The following AARSD1 variants were observed in gnomAD, a reference collection of about 807,000 sequenced individuals.
AARSD1 encodes the protein alanyl-tRNA synthetase domain containing 1, also known as alanyl-tRNA editing protein Aarsd1.
In AARSD1, 44 loss-of-function variants were observed where a neutral mutation model predicts 48.7. That is an observed-to-expected ratio of 0.90 (90% CI 0.71 to 1.16). The LOEUF (loss-of-function observed/expected upper bound fraction) is 1.16, where lower values mean the gene tolerates loss of function less well. AARSD1 is among the 50% of genes most tolerant of loss of function. The probability of loss-of-function intolerance (pLI) is 0.00; values close to 1 mark genes in which losing one functional copy is unlikely to be tolerated. For synonymous variants in AARSD1, 189 were observed against 194.9 expected (o/e 0.97, Z 0.25); for missense variants, 511 against 523.1 (o/e 0.98, Z 0.23).
At chr17:42,962,306 A>G in intron 2 of AARSD1, 1 of 202,900 alleles carries the variant, frequency 4.9e-6, no homozygotes, top group South Asian at 4.9e-5. Context: ...CTCAAAAAAA[A>G]AAAAAAAAAA....
intron 11 of AARSD1, among the ~76,000 whole-genome samples, chr17:42,951,160 A>G (rs1050070045): frequency 2.0e-5 from 3 of 152,168 alleles, no homozygotes; most frequent in African/African-American, 7.2e-5. Flanking sequence ...CTTTGTCTCA[A>G]AAAAACACTT....
chr17:42,957,372 G>T, intron 3 of AARSD1, 177 bp from the exon 4 acceptor site: 2 of 682,148 alleles, frequency 2.9e-6, no homozygotes, highest in Non-Finnish European at 2.3e-6. Flanking sequence ...TCTGCAAGAG[G>T]CCTTATGATA....
At chr17:42,950,829 G>A (rs2049470412) in intron 11 of AARSD1, 101 bp from the exon 12 acceptor site, 2 of 1,485,538 alleles carry the variant, frequency 1.3e-6, no homozygotes, top group South Asian at 1.4e-5. Flanking sequence ...AGAGGGATAA[G>A]AAGAGTAGAT....
intron 11 of AARSD1, among the ~76,000 whole-genome samples, chr17:42,951,246 T>C (rs536105140): frequency 2.6e-5 from 4 of 151,848 alleles, no homozygotes; most frequent in Admixed American, 1.3e-4. Context: ...TGTCTATGAA[T>C]TGGGCTAGAT....
chr17:42,961,719 A>G (rs1012867809), intron 2 of AARSD1, among the ~76,000 whole-genome samples: 6 of 152,160 alleles, frequency 3.9e-5, no homozygotes, highest in East Asian at 3.9e-4. Flanking sequence ...TTGCAGTGGT[A>G]TTAGAATTAG....
intron 4 of AARSD1, among the ~76,000 whole-genome samples, 193 bp from the exon 5 acceptor site, chr17:42,956,753 C>T (rs113890178): frequency 0.041 from 5,484 of 133,020 alleles, 147 homozygotes; most frequent in Middle Eastern, 0.093. Flanking sequence ...CTGCAAGCTC[C>T]GCCTCCCGGG....
At chr17:42,954,592 G>A (rs1322662206) in intron 9 of AARSD1, among the ~76,000 whole-genome samples, 6 of 151,918 alleles carry the variant, frequency 3.9e-5, no homozygotes, top group African/African-American at 1.5e-4. Context: ...GTACTACCAT[G>A]CCTAGCTAAT....
intron 9 of AARSD1, 22 bp downstream of exon 9, chr17:42,954,854 T>G: frequency 6.2e-7 from 1 of 1,613,364 alleles, no homozygotes; most frequent in South Asian, 1.1e-5. Context: ...CCCTTCCTTG[T>G]GTCCAGCTCC....
intron 11 of AARSD1, 70 bp from the exon 12 acceptor site, chr17:42,950,798 A>C: frequency 6.5e-7 from 1 of 1,547,810 alleles, no homozygotes; most frequent in South Asian, 1.2e-5. Flanking sequence ...GGCAGCTCTG[A>C]GTCTTTTTCC....
At chr17:42,955,016 G>C (rs1330026226) in intron 8 of AARSD1, 49 bp from the exon 9 acceptor site, 8 of 1,612,894 alleles carry the variant, frequency 5.0e-6, no homozygotes, top group Non-Finnish European at 5.9e-6. Context: ...GATAACAATA[G>C]AGAGTATCAG....
chr17:42,951,482 G>A (rs2049478026), intron 11 of AARSD1, among the ~76,000 whole-genome samples: 2 of 152,184 alleles, frequency 1.3e-5, no homozygotes, highest in South Asian at 4.1e-4. Flanking sequence ...AAACCTGGGA[G>A]GTGGTGGCTG....
rs749180419 is a variant in AARSD1 at position 42,954,927 on chromosome 17, G to A, written c.902C>T (p.Ala301Val). Reference sequence around the variant, plus strand: ...GTCTGGACTGTTCCTGAGGCTATGGGCAATGTGCACAGCCAGGTCTCTGAG... The same window carrying A: ...GTCTGGACTGTTCCTGAGGCTATGGACAATGTGCACAGCCAGGTCTCTGAG... ...NLLRDLAVHI[A>V]HSLRNSPDWG... Residue 301 changes from alanine (A) to valine (V), a missense_variant, in exon 9 of 12, where the codon GCC becomes GTC. Physicochemically the swap from Ala to Val is moderately conservative, Grantham distance 64. Coordinates refer to ENST00000427569, the MANE Select transcript of AARSD1 (RefSeq NM_001261434.2). 7 of 1,614,114 alleles carry A rather than the reference G, an allele frequency of 4.3e-6. No individual in the cohort carries two copies. Among genetic ancestry groups the A allele is most frequent in the Admixed American group, 3.3e-5 (2 of 60,000 alleles).
intron 7 of AARSD1, 174 bp from the exon 8 acceptor site, chr17:42,955,398 C>A: frequency 1.6e-6 from 1 of 639,764 alleles, no homozygotes; most frequent in Non-Finnish European, 2.6e-6. Context: ...GAATTAACCA[C>A]TTTTCGTGGT....
intron 4 of AARSD1, 100 bp from the exon 5 acceptor site, chr17:42,956,660 CTTTTTTTTTTT>C (rs36171174): frequency 1.2e-4 from 24 of 206,436 alleles, no homozygotes; most frequent in East Asian, 4.3e-4. Flanking sequence ...CCTCTCACCA[CTTTTTTTTTTT>C]TTTTTTTTTT....
At chr17:42,954,412 G>A (rs1432131555) in intron 9 of AARSD1, among the ~76,000 whole-genome samples, 1 of 151,550 alleles carries the variant, frequency 6.6e-6, no homozygotes, top group African/African-American at 2.4e-5. Flanking sequence ...AACCCAGGAG[G>A]CCTGGTATGT....
rs1030615455 is a variant in AARSD1, at chr17:42,964,230, G to A, written c.47C>T (p.Thr16Ile). The A allele has an allele frequency of 6.2e-7, 1 of 1,613,636 alleles. No homozygotes were observed. Among genetic ancestry groups the A allele is most frequent in the Non-Finnish European group, 8.5e-7 (1 of 1,179,990 alleles). The change falls in exon 2 of 12, where the codon ACC becomes ATC. Residue 16 changes from threonine (T) to isoleucine (I), a missense_variant. Thr to Ile is a moderately conservative substitution (Grantham distance 89). Coordinates refer to ENST00000427569, the MANE Select transcript of AARSD1 (RefSeq NM_001261434.2). ...CGCGGGACAGCAGGAGACCACGGTG[G>A]TGGTGAACTGAACAGAGAGGAATGA... ...QRDSYAREFT[T>I]TVVSCCPAEL...
In AARSD1 at chr17:42,950,716, G is replaced by A. The variant is rs367644499; in HGVS notation, c.1116C>T (p.Val372=). ...TCTTCCCTGCTCCTTTGCCTTCCAG[G>A]ACCTCAGCCACCCTGGGGAACAGAG... ...VETLGPRVAE[V]LEGKGAGKKG... Residue 372 remains valine (V), a synonymous_variant, in exon 12 of 12, where the codon GTC becomes GTT. Transcript: ENST00000427569. 5 of 1,613,292 alleles carry A rather than the reference G, an allele frequency of 3.1e-6. No homozygotes were observed. In the African/African-American group the frequency reaches 5.3e-5, roughly 17 times the overall value.
At chr17:42,961,587 A>G (rs928615211) in intron 2 of AARSD1, among the ~76,000 whole-genome samples, 1 of 152,234 alleles carries the variant, frequency 6.6e-6, no homozygotes, top group Non-Finnish European at 1.5e-5. Context: ...TTGTAACTAC[A>G]GCAACAAAAA....
chr17:42,955,072 C>T lies in AARSD1; in HGVS notation c.861+86G>A, dbSNP rs993938913. On this transcript the variant is annotated intron_variant, in intron 8 of 11. Coordinates refer to ENST00000427569, the MANE Select transcript of AARSD1 (RefSeq NM_001261434.2). ...CCCTCACTCCCACTTTGACAAACTACACATCTGTTTAGGCAGAAGACCAAG... is the reference window on the plus strand; with the variant it reads ...CCCTCACTCCCACTTTGACAAACTATACATCTGTTTAGGCAGAAGACCAAG... 2.5e-6 allele frequency: 4 copies of T among 1,611,880 alleles called. No homozygotes were observed. The Admixed American group carries it at 5.0e-5, about 20-fold the overall frequency.
Sources: gnomAD v4.1 joint callset for allele counts (sites outside exome capture counted in the v4.1 genomes callset) on GRCh38, gnomAD v4.1.1 for gene constraint, MANE v1.5 for transcripts, NCBI Gene and HGNC (gene_info 2026-07-23, HGNC 2026-07-21) for gene names.